Variants in FOCAD observed in about 807,000 individuals in gnomAD.
The protein encoded by FOCAD is focadhesin, also known as KIAA1797.
A neutral mutation model predicts 225.6 loss-of-function variants in FOCAD; 198 were observed. The observed-to-expected ratio is 0.88, with a 90% CI of 0.78 to 0.99. The LOEUF is 0.99. FOCAD is among the 50% of genes least tolerant of loss of function. FOCAD has a pLI of 0.00. For missense variants in FOCAD, 2,713 were observed against 2,123.6 expected, an observed-to-expected ratio of 1.28 and a Z score of -5.46; for synonymous variants, 897 against 755.0, an observed-to-expected ratio of 1.19 and a Z score of -3.08.
intron 36 of FOCAD, among the ~76,000 whole-genome samples, chr9:20,977,178 T>G (rs1286838190): frequency 6.6e-6 from 1 of 152,188 alleles, no homozygotes; most frequent in Non-Finnish European, 1.5e-5. Flanking sequence ...ACCATCATCT[T>G]TCTGGTTCTC....
chr9:20,739,660 A>T (rs1390882678), intron 4 of FOCAD, among the ~76,000 whole-genome samples: 1 of 152,030 alleles, frequency 6.6e-6, no homozygotes, highest in Non-Finnish European at 1.5e-5. Context: ...TTTATTTCTA[A>T]GATTTTCTTT....
At chr9:20,926,246 A>G (rs1450808880) in intron 25 of FOCAD, 55 bp from the exon 26 acceptor site, 2 of 1,072,892 alleles carry the variant, frequency 1.9e-6, no homozygotes, top group African/African-American at 1.6e-5. Context: ...AGATTTAGAA[A>G]TATCTTTAGA....
intron 6 of FOCAD, among the ~76,000 whole-genome samples, chr9:20,763,812 A>T (rs1249152511): frequency 6.6e-6 from 1 of 152,198 alleles, no homozygotes; most frequent in Admixed American, 6.5e-5. Flanking sequence ...TGTTTAGGCT[A>T]GTTAATGACA....
chr9:20,677,888 C>T (rs1447178776), intron 2 of FOCAD, among the ~76,000 whole-genome samples: 1 of 152,188 alleles, frequency 6.6e-6, no homozygotes, highest in Non-Finnish European at 1.5e-5. Flanking sequence ...CACTTTTGTT[C>T]ACTGCAGCAT....
intron 6 of FOCAD, 34 bp from the exon 7 acceptor site, chr9:20,764,835 T>C: frequency 6.4e-7 from 1 of 1,557,714 alleles, no homozygotes. Context: ...TGTGTTTAAC[T>C]CAATAACTGG....
chr9:20,685,051 A>G (rs146610187), intron 1 of FOCAD, among the ~76,000 whole-genome samples: 19 of 152,282 alleles, frequency 1.2e-4, no homozygotes, highest in African/African-American at 4.6e-4. Flanking sequence ...AATCCTGCCA[A>G]TTTCATGCAG....
chr9:20,770,559 G>A (rs1265670331), intron 8 of FOCAD, among the ~76,000 whole-genome samples: 1 of 152,200 alleles, frequency 6.6e-6, no homozygotes, highest in East Asian at 1.9e-4. Context: ...AACCATTCAT[G>A]AGGAACACCT....
intron 21 of FOCAD, among the ~76,000 whole-genome samples, chr9:20,896,500 G>C (rs1166294899): frequency 6.6e-6 from 1 of 151,886 alleles, no homozygotes; most frequent in Non-Finnish European, 1.5e-5. Context: ...GGTGCTTTCT[G>C]TGTTGGAAGG....
chr9:20,890,953 G>A (rs900053429), intron 21 of FOCAD, among the ~76,000 whole-genome samples: 3 of 151,900 alleles, frequency 2.0e-5, no homozygotes, highest in African/African-American at 2.4e-5. Context: ...CAAATTGAAG[G>A]TTCGTGGCAG....
chr9:20,834,572 T>G (rs997393917), intron 15 of FOCAD, among the ~76,000 whole-genome samples: 1 of 152,052 alleles, frequency 6.6e-6, no homozygotes, highest in East Asian at 1.9e-4. Context: ...CACTGCTACT[T>G]GCAACAACAC....
chr9:20,790,359 A>G (rs1156708966), intron 11 of FOCAD, among the ~76,000 whole-genome samples: 8 of 152,138 alleles, frequency 5.3e-5, no homozygotes, highest in Non-Finnish European at 1.2e-4. Context: ...CTTTATTAGT[A>G]TCTGTGCTTG....
intron 21 of FOCAD, among the ~76,000 whole-genome samples, chr9:20,902,914 G>A (rs913859908): frequency 5.9e-5 from 9 of 151,902 alleles, no homozygotes; most frequent in African/African-American, 2.2e-4. Context: ...ATGGTGAGAG[G>A]TGAAAGTTTG....
chr9:20,758,977 A>C (rs575424258), intron 6 of FOCAD, among the ~76,000 whole-genome samples: 4 of 152,216 alleles, frequency 2.6e-5, no homozygotes, highest in Admixed American at 2.0e-4. Context: ...CCAATAACAG[A>C]CAAACAGAGA....
At chr9:20,717,387 A>G (rs924134715) in intron 2 of FOCAD, among the ~76,000 whole-genome samples, 2 of 152,222 alleles carry the variant, frequency 1.3e-5, no homozygotes, top group Admixed American at 6.5e-5. Context: ...CATATTCTTC[A>G]TATTCGTTAA....
At chr9:20,921,976 A>G (rs1044693897) in intron 24 of FOCAD, among the ~76,000 whole-genome samples, 1 of 152,204 alleles carries the variant, frequency 6.6e-6, no homozygotes, top group Non-Finnish European at 1.5e-5. Context: ...ATCACTCAAA[A>G]TTTAGAACTG....
chr9:20,866,898 T>C, intron 17 of FOCAD, 31 bp from the exon 18 acceptor site: 1 of 658,226 alleles, frequency 1.5e-6, no homozygotes, highest in Non-Finnish European at 2.3e-6. Context: ...CTTTTTTTTT[T>C]TTTTTTTTTT....
chr9:20,711,290 A>G (rs1824825979), intron 1 of FOCAD, among the ~76,000 whole-genome samples: 2 of 152,210 alleles, frequency 1.3e-5, no homozygotes, highest in Non-Finnish European at 2.9e-5. Context: ...ACCATTTTGG[A>G]AACTGTTTTA....
At chr9:20,950,898 C>A in intron 33 of FOCAD, 98 bp from the exon 34 acceptor site, 2 of 1,001,824 alleles carry the variant, frequency 2.0e-6, no homozygotes, top group South Asian at 2.8e-5. Context: ...AGCCAAGCCA[C>A]CACCTCCTAA....
At chr9:20,662,571 C>G (rs1213838147) in intron 2 of FOCAD, among the ~76,000 whole-genome samples, 5 of 152,168 alleles carry the variant, frequency 3.3e-5, no homozygotes, top group African/African-American at 1.2e-4. Flanking sequence ...ATTCTGCTTC[C>G]TCTCCCCACT....
Sources: gnomAD v4.1 joint callset for allele counts (sites outside exome capture counted in the v4.1 genomes callset) on GRCh38, gnomAD v4.1.1 for gene constraint, MANE v1.5 for transcripts, NCBI Gene and HGNC (gene_info 2026-07-23, HGNC 2026-07-21) for gene names.